The following PTPRT variants were observed in gnomAD, a reference collection of about 807,000 sequenced individuals.
The protein encoded by PTPRT is protein tyrosine phosphatase receptor type T.
Under a neutral mutation model 176.8 loss-of-function variants are expected in PTPRT, and 56 were observed. That is an observed-to-expected ratio of 0.32 (90% CI 0.26 to 0.40). The LOEUF (loss-of-function observed/expected upper bound fraction) is 0.40. PTPRT is among the 10% of genes least tolerant of loss of function. The pLI is 1.00. For synonymous variants in PTPRT, 783 were observed against 739.0 expected (o/e 1.06, Z -0.96); for missense variants, 1,540 against 1,908.2 (o/e 0.81, Z 3.60).
chr20:42,341,481 G>GAAAA (rs1170672976), intron 11 of PTPRT, among the ~76,000 whole-genome samples: 31 of 152,266 alleles, frequency 2.0e-4, no homozygotes, highest in Middle Eastern at 3.4e-3. Flanking sequence ...GAAAAGAAAA[G>GAAAA]TCAAAATGAA....
intron 6 of PTPRT, among the ~76,000 whole-genome samples, chr20:42,696,488 C>T (rs1214731538): frequency 6.7e-6 from 1 of 149,622 alleles, no homozygotes; most frequent in Non-Finnish European, 1.5e-5. Context: ...CAGAGCCTCG[C>T]TCTGTCGCCC....
At chr20:42,337,796 A>G (rs12481463) in intron 11 of PTPRT, among the ~76,000 whole-genome samples, 27,237 of 152,208 alleles carry the variant, frequency 0.18, 2,840 homozygotes, top group East Asian at 0.42. Flanking sequence ...ACAAAATACC[A>G]GCTTGGAAAA....
chr20:43,076,295 C>T (rs529614536), intron 1 of PTPRT, among the ~76,000 whole-genome samples: 13 of 152,242 alleles, frequency 8.5e-5, no homozygotes, highest in African/African-American at 3.1e-4. Flanking sequence ...ACACTAAATT[C>T]TGTGATTCAT....
intron 7 of PTPRT, among the ~76,000 whole-genome samples, chr20:42,536,070 T>G (rs2072471563): frequency 6.6e-6 from 1 of 151,996 alleles, no homozygotes; most frequent in Admixed American, 6.6e-5. Flanking sequence ...CTGCACTAGG[T>G]TTAAAGCAGA....
intron 9 of PTPRT, among the ~76,000 whole-genome samples, chr20:42,366,283 C>T (rs1429772038): frequency 2.0e-5 from 3 of 152,224 alleles, no homozygotes; most frequent in Non-Finnish European, 4.4e-5. Flanking sequence ...ATGGGTGGTG[C>T]CCAGGCTTGT....
At chr20:42,971,791 T>A (rs571698363) in intron 1 of PTPRT, among the ~76,000 whole-genome samples, 1 of 152,214 alleles carries the variant, frequency 6.6e-6, no homozygotes, top group African/African-American at 2.4e-5. Context: ...AAGAACCATA[T>A]GGGCTAGAGC....
At chr20:42,734,169 C>T (rs1184522984) in intron 6 of PTPRT, among the ~76,000 whole-genome samples, 1 of 152,160 alleles carries the variant, frequency 6.6e-6, no homozygotes, top group Non-Finnish European at 1.5e-5. Flanking sequence ...GGCCCCATCC[C>T]TCTGGGAGGT....
chr20:42,927,066 T>C (rs959516507), intron 1 of PTPRT, among the ~76,000 whole-genome samples: 11 of 152,202 alleles, frequency 7.2e-5, no homozygotes, highest in Admixed American at 6.5e-4. Flanking sequence ...GTAAGGTTGC[T>C]CTTGATGTGA....
intron 1 of PTPRT, among the ~76,000 whole-genome samples, chr20:43,131,564 T>C (rs151102741): frequency 1.4e-4 from 21 of 152,354 alleles, no homozygotes; most frequent in African/African-American, 5.0e-4. Flanking sequence ...TTCTATTTCT[T>C]TTAAGTATCC....
chr20:42,795,809 T>C (rs963866870), intron 2 of PTPRT, among the ~76,000 whole-genome samples: 1 of 152,252 alleles, frequency 6.6e-6, no homozygotes, highest in African/African-American at 2.4e-5. Context: ...TGGGCCTCAA[T>C]GCCCTCATCT....
At chr20:42,548,868 A>G (rs1313349565) in intron 7 of PTPRT, among the ~76,000 whole-genome samples, 2 of 152,202 alleles carry the variant, frequency 1.3e-5, no homozygotes, top group African/African-American at 4.8e-5. Context: ...CTGATGCTCC[A>G]ACTCATTAGT....
intron 7 of PTPRT, among the ~76,000 whole-genome samples, chr20:42,634,054 ATAAATATATAAT>A (rs2074527319): frequency 3.3e-4 from 11 of 33,580 alleles, no homozygotes; most frequent in Non-Finnish European, 4.7e-4. Flanking sequence ...TATATATATT[ATAAATATATAAT>A]ATATATATAA....
chr20:42,224,662 C>T (rs574749498), intron 15 of PTPRT, among the ~76,000 whole-genome samples: 2 of 152,188 alleles, frequency 1.3e-5, no homozygotes, highest in African/African-American at 4.8e-5. Context: ...ACCTGGGGAA[C>T]TTTAAAATGT....
intron 7 of PTPRT, among the ~76,000 whole-genome samples, chr20:42,500,889 A>G (rs921293389): frequency 6.6e-6 from 1 of 152,142 alleles, no homozygotes; most frequent in Admixed American, 6.6e-5. Flanking sequence ...TGTATTTTCC[A>G]ATGTCAGACA....
intron 2 of PTPRT, among the ~76,000 whole-genome samples, chr20:42,808,757 G>A (rs1173000499): frequency 1.3e-5 from 2 of 152,238 alleles, no homozygotes; most frequent in African/African-American, 4.8e-5. Context: ...GGGAATGTCA[G>A]TGGGGAAGGT....
chr20:42,739,930 G>C (rs552591094), intron 6 of PTPRT, among the ~76,000 whole-genome samples: 3 of 152,232 alleles, frequency 2.0e-5, no homozygotes, highest in African/African-American at 7.2e-5. Flanking sequence ...GAGGGGAAGG[G>C]CTCTTGTCTC....
At position 42,633,989 on chromosome 20, in the gene PTPRT, AT is replaced by A. The variant is rs1185510445; in HGVS notation, c.1153+43876del. On this transcript the variant is annotated intron_variant, in intron 7 of 30. Transcript: ENST00000373187. ...TATATTATAATATATTATATATTAT[AT>A]TATATATATTATATATATATAATAT... Among the ~76,000 whole-genome samples, 81 of 23,034 alleles carry A rather than the reference AT, an allele frequency of 3.5e-3. 8 individuals carry two copies. The highest frequency in any genetic ancestry group is 0.018 in the African/African-American group (77 of 4,274). 15.1% of individuals were successfully genotyped at this position (23,034 alleles called of 152,430 possible). A position where few individuals can be genotyped will look rare whatever the true frequency, so the allele number is the denominator to read the frequency against.
rs572318203 is a variant in PTPRT at position 42,859,047 on chromosome 20, A to G, written c.214+26760T>C. ...CTCTTACTCTCTCCTTTGTGCCTCA[A>G]TGAGCTGCAGCGTCAGGAGAAGGGA... On this transcript the variant is annotated intron_variant, in intron 2 of 30. Coordinates refer to ENST00000373187, the MANE Select transcript of PTPRT (RefSeq NM_007050.6). Among the ~76,000 whole-genome samples the G allele has an allele frequency of 7.9e-5, 12 of 152,270 alleles. No homozygotes were observed. The South Asian group carries it at 1.0e-3, about 13-fold the overall frequency.
chr20:42,151,913 T>A (rs1345423086), intron 17 of PTPRT, among the ~76,000 whole-genome samples: 2 of 152,134 alleles, frequency 1.3e-5, no homozygotes, highest in African/African-American at 2.4e-5. Flanking sequence ...ATAGGTAAAA[T>A]AGCATTTAGG....
Sources: allele counts gnomAD v4.1 joint callset (sites outside exome capture counted in the v4.1 genomes callset), GRCh38; gene constraint gnomAD v4.1.1; transcripts MANE v1.5; gene names NCBI Gene and HGNC (gene_info 2026-07-23, HGNC 2026-07-21).